CLCN5: variants seen among roughly 807,000 people sequenced by gnomAD.
CLCN5 encodes the protein H(+)/Cl(-) exchange transporter 5.
Under a neutral mutation model 54.0 loss-of-function variants are expected in CLCN5, and 17 were observed. That is an observed-to-expected ratio of 0.31 (90% confidence interval 0.22 to 0.47). The LOEUF is 0.47. Ranked by LOEUF, CLCN5 falls within the 20% of genes least tolerant of loss-of-function variation. The pLI, the probability that CLCN5 is intolerant of heterozygous loss-of-function variation, is 1.00. For synonymous variants in CLCN5, 222 were observed against 233.0 expected, an observed-to-expected ratio of 0.95 and a Z score of 0.43; for missense variants, 448 against 646.7, an observed-to-expected ratio of 0.69 and a Z score of 3.33.
intron 3 of CLCN5, among the ~76,000 whole-genome samples, chrX:49,935,790 GA>G (rs1925926306): frequency 9.0e-6 from 1 of 111,021 alleles, no homozygotes; most frequent in African/African-American, 3.3e-5. Flanking sequence ...GGACCATAGT[GA>G]ATGAGGCATA....
At position 50,060,196 on chromosome X, in the gene CLCN5, G is replaced by C. The variant is rs62593590; in HGVS notation, c.164-9683G>C. ...GAACAGCTCCGGTCTACAGCTCCCA[G>C]CGTGAGCGACGCAGAAGACGGGTGA... On this transcript the variant is annotated intron_variant, in intron 4 of 14. Coordinates refer to ENST00000376091, the MANE Select transcript of CLCN5 (RefSeq NM_001127898.4). Among the ~76,000 whole-genome samples the C allele has an allele frequency of 6.8e-3, 754 of 110,479 alleles. 11 individuals are homozygous for C. Among genetic ancestry groups the C allele is most frequent in the Non-Finnish European group, 0.011 (567 of 52,746 alleles).
chrX:50,038,312 A>G (rs1337374511), intron 3 of CLCN5, among the ~76,000 whole-genome samples: 1 of 112,049 alleles, frequency 8.9e-6, no homozygotes, highest in Non-Finnish European at 1.9e-5. Context: ...GTACCTCATC[A>G]TAAAATAATC....
chrX:50,091,482 T>C (rs1356124025), intron 14 of CLCN5, among the ~76,000 whole-genome samples: 1 of 111,795 alleles, frequency 8.9e-6, no homozygotes, highest in East Asian at 2.8e-4. Context: ...CCAGCAATTA[T>C]ATAAGAATTT....
intron 4 of CLCN5, among the ~76,000 whole-genome samples, chrX:50,051,505 T>C (rs189475869): frequency 2.6e-4 from 29 of 112,296 alleles, no homozygotes; most frequent in Non-Finnish European, 7.5e-5. Context: ...TCTAGATGTT[T>C]TGCTTTTCCA....
At chrX:49,956,574 C>T (rs1927332945) in intron 3 of CLCN5, among the ~76,000 whole-genome samples, 1 of 111,836 alleles carries the variant, frequency 8.9e-6, no homozygotes, top group Admixed American at 9.5e-5. Context: ...TCTGTTATCT[C>T]TAACCACTGT....
rs782480208 is a variant in CLCN5 at position 49,952,888 on chromosome X, CT to C, written c.16+27591del. On this transcript the variant is annotated intron_variant, in intron 3 of 14. Coordinates refer to ENST00000376091, the MANE Select transcript of CLCN5 (RefSeq NM_001127898.4). ...TAGACTTCTAGACGTGTGTGTGTAA[CT>C]TTTTTTTTTTTTTTTTGAGACGGAG... Among the ~76,000 whole-genome samples, 495 of 100,551 alleles carry C rather than the reference CT, an allele frequency of 4.9e-3. 2 individuals are homozygous for C. Among genetic ancestry groups the C allele is most frequent in the African/African-American group, 6.8e-3 (191 of 27,918 alleles). The allele number at this position is 100,551 out of a possible 115,157, so 87.3% of individuals were successfully genotyped here. A position where few individuals can be genotyped will look rare whatever the true frequency, so the allele number is the denominator to read the frequency against.
At chrX:50,071,491 C>T (rs1933221188) in intron 5 of CLCN5, among the ~76,000 whole-genome samples, 1 of 112,023 alleles carries the variant, frequency 8.9e-6, no homozygotes, top group South Asian at 3.7e-4. Context: ...GACAAGTGCA[C>T]ACTTCCTTTT....
chrX:50,091,361 T>C (rs1934094139), intron 14 of CLCN5, among the ~76,000 whole-genome samples: 1 of 112,225 alleles, frequency 8.9e-6, no homozygotes, highest in Non-Finnish European at 1.9e-5. Flanking sequence ...CCATGGCTCT[T>C]TCCTTCCTGG....
intron 3 of CLCN5, among the ~76,000 whole-genome samples, chrX:49,959,300 T>C (rs1218564488): frequency 8.9e-6 from 1 of 112,400 alleles, no homozygotes; most frequent in African/African-American, 3.2e-5. Flanking sequence ...TCAGTTCTTC[T>C]TTCTTGGTCA....
intron 3 of CLCN5, among the ~76,000 whole-genome samples, chrX:49,990,105 T>C (rs1414426419): frequency 8.9e-6 from 1 of 111,737 alleles, no homozygotes; most frequent in Non-Finnish European, 1.9e-5. Context: ...CCCTTTCATT[T>C]ATTTATTTAT....
intron 3 of CLCN5, among the ~76,000 whole-genome samples, chrX:50,001,189 T>C (rs1018897413): frequency 5.4e-5 from 6 of 111,156 alleles, no homozygotes; most frequent in Non-Finnish European, 1.1e-4. Context: ...TTTCAACCCC[T>C]GTCACCTATT....
At chrX:50,067,803 C>T (rs966074722) in intron 4 of CLCN5, 6 of 626,305 alleles carry the variant, frequency 9.6e-6, no homozygotes, top group East Asian at 1.6e-4. Flanking sequence ...GCATGCCCCC[C>T]GGGAGCAGGG....
At chrX:49,993,205 C>G (rs1205113035) in intron 3 of CLCN5, among the ~76,000 whole-genome samples, 4 of 111,642 alleles carry the variant, frequency 3.6e-5, no homozygotes, top group African/African-American at 1.3e-4. Context: ...AGAGCAGCAT[C>G]TCCTAAGAGA....
chrX:49,947,226 A>G (rs890887373), intron 3 of CLCN5, among the ~76,000 whole-genome samples: 10 of 111,749 alleles, frequency 8.9e-5, no homozygotes, highest in Non-Finnish European at 1.7e-4. Context: ...ATGTTTTTTC[A>G]TCTACTTACA....
At chrX:50,034,160 A>G (rs782724701) in intron 3 of CLCN5, among the ~76,000 whole-genome samples, 3 of 112,098 alleles carry the variant, frequency 2.7e-5, no homozygotes, top group African/African-American at 9.8e-5. Context: ...TAAAGTAACT[A>G]AAACTGGAAA....
chrX:50,080,615 A>C lies in CLCN5; in HGVS notation c.625A>C (p.Asn209His). ...TDEGAFAYIV[N>H]YFMYVLWALL... ...CCAGGGAGCCTTTGCCTACATAGTCAATTATTTCATGTACGTCCTCTGGGC... is the reference window on the plus strand; with the variant it reads ...CCAGGGAGCCTTTGCCTACATAGTCCATTATTTCATGTACGTCCTCTGGGC... Residue 209 changes from asparagine to histidine, a missense_variant, in exon 8 of 15, where the codon AAT becomes CAT. This residue lies in a region of CLCN5 where 40 missense variants were observed against 27.8 expected (regional missense o/e 1.44). Coordinates refer to ENST00000376091, the MANE Select transcript of CLCN5 (RefSeq NM_001127898.4). 1 of 1,207,908 alleles carries C rather than the reference A, an allele frequency of 8.3e-7. No individual in the cohort carries two copies. The highest frequency in any genetic ancestry group is 1.1e-6 in the Non-Finnish European group (1 of 893,451).
chrX:49,988,626 C>A (rs782432258), intron 3 of CLCN5, among the ~76,000 whole-genome samples: 7 of 111,367 alleles, frequency 6.3e-5, no homozygotes, highest in Non-Finnish European at 1.1e-4. Flanking sequence ...TTTTTTTTAA[C>A]TTGTAAACTG....
chrX:50,086,362 G>A lies in CLCN5; in HGVS notation c.1049G>A (p.Arg350His), dbSNP rs151340628. Residue 350 changes from arginine (R) to histidine (H), a missense_variant, in exon 11 of 15, where the codon CGT becomes CAT. Around this residue, in one of 5 missense-constraint regions of CLCN5, gnomAD observed 297 missense variants for 470.4 expected, o/e 0.63. Transcript: ENST00000376091. Reference sequence around the variant, plus strand: ...TATTTTCCCCTCAAAACATTGTGGCGTTCATTCTTTGCTGCCTTGGTGGCA... The same window carrying A: ...TATTTTCCCCTCAAAACATTGTGGCATTCATTCTTTGCTGCCTTGGTGGCA... ...SYYFPLKTLW[R>H]SFFAALVAAF... is the part of the protein sequence containing the mutation. 2.5e-6 allele frequency: 3 copies of A among 1,208,612 alleles called. No homozygotes were observed. The highest frequency in any genetic ancestry group is 2.2e-6 in the Non-Finnish European group (2 of 894,581).
At chrX:50,045,235 C>A (rs1932356458) in intron 4 of CLCN5, among the ~76,000 whole-genome samples, 1 of 111,205 alleles carries the variant, frequency 9.0e-6, no homozygotes, top group East Asian at 2.8e-4. Flanking sequence ...TAGGAGAGGG[C>A]CCCTGAATTT....
Sources: allele counts gnomAD v4.1 joint callset (sites outside exome capture counted in the v4.1 genomes callset), GRCh38; gene constraint gnomAD v4.1.1; regional missense constraint gnomAD v4.1.1; transcripts MANE v1.5; gene names NCBI Gene and HGNC (gene_info 2026-07-23, HGNC 2026-07-21).